MAGI1: variants seen among roughly 807,000 people sequenced by gnomAD.
MAGI1 encodes the protein membrane associated guanylate kinase, WW and PDZ domain containing 1.
In MAGI1, 58 loss-of-function variants were observed where a neutral mutation model predicts 139.9. The observed-to-expected ratio is 0.41, with a 90% CI of 0.34 to 0.52. MAGI1 has a LOEUF of 0.52. Ranked by LOEUF, MAGI1 falls within the 20% of genes least tolerant of loss-of-function variation. The pLI is 0.12. For synonymous variants in MAGI1, 812 were observed against 737.9 expected (o/e 1.10, Z -1.63); for missense variants, 1,874 against 1,901.6 (o/e 0.99, Z 0.27).
chr3:65,550,324 G>A (rs2079759763), intron 2 of MAGI1, among the ~76,000 whole-genome samples: 1 of 152,172 alleles, frequency 6.6e-6, no homozygotes, highest in Non-Finnish European at 1.5e-5. Context: ...AATGCCCCAG[G>A]TCAGTCCAAG....
chr3:65,431,538 A>G (rs61556274), intron 10 of MAGI1, among the ~76,000 whole-genome samples: 3,571 of 152,244 alleles, frequency 0.023, 124 homozygotes, highest in African/African-American at 0.082. Context: ...AGGGCTAAGA[A>G]TTACTGTTTA....
intron 1 of MAGI1, among the ~76,000 whole-genome samples, chr3:66,036,934 A>G (rs2068955181): frequency 6.6e-6 from 1 of 152,196 alleles, no homozygotes; most frequent in Non-Finnish European, 1.5e-5. Context: ...AGGGACCTAC[A>G]TCACCAGCAG....
chr3:65,501,696 A>G (rs1409929528), intron 2 of MAGI1, among the ~76,000 whole-genome samples: 1 of 152,028 alleles, frequency 6.6e-6, no homozygotes, highest in Non-Finnish European at 1.5e-5. Context: ...TAACAATCCC[A>G]CTCCTAAATG....
At chr3:65,359,115 A>G (rs1436586163) in intron 22 of MAGI1, 1 of 1,614,034 alleles carries the variant, frequency 6.2e-7, no homozygotes, top group East Asian at 2.2e-5. Context: ...CGAGCTTTTC[A>G]TTTCTCATAC....
chr3:65,756,881 T>TA (rs1446907442), intron 1 of MAGI1, among the ~76,000 whole-genome samples: 1 of 152,162 alleles, frequency 6.6e-6, no homozygotes, highest in African/African-American at 2.4e-5. Context: ...CTATCCCTGA[T>TA]GAAAAACAGA....
chr3:66,026,310 A>G (rs1220468453), intron 1 of MAGI1, among the ~76,000 whole-genome samples: 1 of 152,180 alleles, frequency 6.6e-6, no homozygotes, highest in African/African-American at 2.4e-5. Flanking sequence ...AATTAATTCA[A>G]TATTTTTCTC....
At chr3:65,637,402 A>C (rs540359791) in intron 1 of MAGI1, among the ~76,000 whole-genome samples, 1 of 151,990 alleles carries the variant, frequency 6.6e-6, no homozygotes. Context: ...AAAATGTAAA[A>C]AATTAGCCAG....
intron 2 of MAGI1, among the ~76,000 whole-genome samples, chr3:65,567,528 T>C (rs930031964): frequency 6.6e-6 from 1 of 152,126 alleles, no homozygotes; most frequent in African/African-American, 2.4e-5. Context: ...TCATCACATC[T>C]AACCAAAGAA....
rs754035480 is a variant in MAGI1 at position 65,470,413 on chromosome 3, C to T, written c.829G>A (p.Ala277Thr). 44 of 1,613,212 alleles carry T rather than the reference C, an allele frequency of 2.7e-5. 1 individual carries two copies. Among genetic ancestry groups the T allele is most frequent in the Admixed American group, 1.3e-4 (8 of 59,880 alleles). Residue 277 changes from alanine to threonine, a missense_variant, in exon 5 of 23, where the codon GCT becomes ACT. Coordinates refer to ENST00000402939, the MANE Select transcript of MAGI1 (RefSeq NM_001033057.2). ...TGAGAAGGGTCCGTGATGGGAGCAG[C>T]GATGATGCTACTATTCACAGGTGGT... ...ALPPVNSSII[A>T]APITDPSQKF...
At chr3:65,655,641 T>C (rs890256146) in intron 1 of MAGI1, among the ~76,000 whole-genome samples, 1 of 152,216 alleles carries the variant, frequency 6.6e-6, no homozygotes, top group African/African-American at 2.4e-5. Context: ...CATTATTTAA[T>C]TCAGTCCTCA....
Position 65,356,152 on chromosome 3 carries a change from A to C in MAGI1, c.*226T>G, listed in dbSNP as rs1940183193. 1 of 406,602 alleles carries C rather than the reference A, an allele frequency of 2.5e-6. No homozygotes were observed. The highest frequency in any genetic ancestry group is 4.1e-5 in the East Asian group (1 of 24,240). 25.2% of individuals were successfully genotyped at this position (406,602 alleles called of 1,614,324 possible). Reference sequence around the variant, plus strand: ...GCCAGCATTTGGCAAATAATTTCCAAAAAAGTATGCATTTAAAAATACTTT... The same window carrying C: ...GCCAGCATTTGGCAAATAATTTCCACAAAAGTATGCATTTAAAAATACTTT... On this transcript the variant is annotated 3_prime_UTR_variant, in exon 23 of 23. Coordinates refer to ENST00000402939, the MANE Select transcript of MAGI1 (RefSeq NM_001033057.2).
At chr3:65,708,506 T>C (rs910520651) in intron 1 of MAGI1, among the ~76,000 whole-genome samples, 1 of 152,178 alleles carries the variant, frequency 6.6e-6, no homozygotes, top group African/African-American at 2.4e-5. Flanking sequence ...AACATCTCTT[T>C]CTTTTGAAAC....
intron 2 of MAGI1, among the ~76,000 whole-genome samples, chr3:65,509,174 T>A (rs1352058466): frequency 6.6e-6 from 1 of 152,210 alleles, no homozygotes; most frequent in Non-Finnish European, 1.5e-5. Flanking sequence ...ATGGGTTGTT[T>A]CAAAACAAAA....
Position 66,038,045 on chromosome 3 carries a change from C to A in MAGI1, c.264G>T (p.Gly88=). 1 of 1,610,676 alleles carries A rather than the reference C, an allele frequency of 6.2e-7. No homozygotes were observed. The highest frequency in any genetic ancestry group is 8.5e-7 in the Non-Finnish European group (1 of 1,178,364). The change falls in exon 1 of 23, where the codon GGG becomes GGT. Residue 88 remains glycine (G), a synonymous_variant. Coordinates refer to ENST00000402939, the MANE Select transcript of MAGI1 (RefSeq NM_001033057.2). Reference sequence around the variant, plus strand: ...CGGCCTCCTTGCAGCTGTCGATGACCCCCAGCACGTCATAGCGGGGCAAGC... The same window carrying A: ...CGGCCTCCTTGCAGCTGTCGATGACACCCAGCACGTCATAGCGGGGCAAGC... The part of the protein sequence containing the change: ...VSGLPRYDVL[G]VIDSCKEAVT...
intron 5 of MAGI1, among the ~76,000 whole-genome samples, chr3:65,463,580 G>C (rs908472149): frequency 1.3e-5 from 2 of 151,214 alleles, no homozygotes; most frequent in African/African-American, 4.9e-5. Flanking sequence ...GTGTGTGTGT[G>C]TGTGTGTGTG....
intron 1 of MAGI1, among the ~76,000 whole-genome samples, chr3:65,784,815 A>G (rs2039252164): frequency 6.6e-6 from 1 of 152,228 alleles, no homozygotes; most frequent in East Asian, 1.9e-4. Flanking sequence ...ATGCTACAAC[A>G]TGGATGAATC....
intron 1 of MAGI1, among the ~76,000 whole-genome samples, chr3:65,982,546 C>A (rs1427415350): frequency 6.6e-6 from 1 of 152,124 alleles, no homozygotes; most frequent in South Asian, 2.1e-4. Flanking sequence ...TTTTAAATAT[C>A]AATACCTAAT....
At chr3:65,649,097 T>G (rs2085435690) in intron 1 of MAGI1, among the ~76,000 whole-genome samples, 1 of 151,990 alleles carries the variant, frequency 6.6e-6, no homozygotes, top group Non-Finnish European at 1.5e-5. Context: ...ATAAAGTGTG[T>G]GAAAAATGAA....
chr3:65,368,316 C>A (rs1941637294), intron 18 of MAGI1, among the ~76,000 whole-genome samples: 1 of 152,214 alleles, frequency 6.6e-6, no homozygotes, highest in Admixed American at 6.5e-5. Context: ...AAGTACCCAA[C>A]ATCCTTTATT....
Sources: allele counts gnomAD v4.1 joint callset (sites outside exome capture counted in the v4.1 genomes callset), GRCh38; gene constraint gnomAD v4.1.1; transcripts MANE v1.5; gene names NCBI Gene and HGNC (gene_info 2026-07-23, HGNC 2026-07-21).